NLRC3: variants seen among roughly 807,000 people sequenced by gnomAD.
NLRC3 encodes the protein NLR family CARD domain-containing protein 3.
Under a neutral mutation model 91.6 loss-of-function variants are expected in NLRC3, and 87 were observed. The ratio of observed to expected loss-of-function variants is 0.95; its 90% confidence interval spans 0.80 to 1.14. The LOEUF (loss-of-function observed/expected upper bound fraction) is 1.14. Ranked by LOEUF, NLRC3 falls within the 50% of genes most tolerant of loss-of-function variation. NLRC3 has a pLI of 0.00. For synonymous variants in NLRC3, 694 were observed against 625.3 expected, an observed-to-expected ratio of 1.11 and a Z score of -1.64; for missense variants, 1,577 against 1,418.6, an observed-to-expected ratio of 1.11 and a Z score of -1.79.
In NLRC3 at chr16:3,565,017, C is replaced by A. The variant is rs377599527; in HGVS notation, c.20G>T (p.Arg7Leu). Residue 7 changes from arginine (R) to leucine (L), a missense_variant, in exon 4 of 20, where the codon CGG (arginine) becomes CTG (leucine). By Grantham distance (102) the Arg-to-Leu change is moderately radical. Coordinates refer to ENST00000359128, the MANE Select transcript of NLRC3 (RefSeq NM_178844.4). MRKQEV[R>L]TGREAGQGHG... ...GCCCTGGCCGGCCTCCCTGCCCGTC[C>A]GCACCTCTTGCTTCCTCATGGAGTC... is the stretch of plus-strand genomic sequence containing the variant. 40 of 1,609,854 alleles carry A rather than the reference C, an allele frequency of 2.5e-5. No individual in the cohort carries two copies. Among genetic ancestry groups the A allele is most frequent in the African/African-American group, 5.3e-5 (4 of 74,946 alleles).
chr16:3,552,664 A>G (rs2039077153), intron 9 of NLRC3, among the ~76,000 whole-genome samples: 1 of 152,038 alleles, frequency 6.6e-6, no homozygotes, highest in Non-Finnish European at 1.5e-5. Flanking sequence ...CCTAGGGGCC[A>G]GGTACGGTGG....
At chr16:3,575,355 G>A (rs572613643) in intron 1 of NLRC3, among the ~76,000 whole-genome samples, 4 of 152,334 alleles carry the variant, frequency 2.6e-5, no homozygotes, top group Admixed American at 6.5e-5. Context: ...CCTCTCAGCC[G>A]AGTGAGGTCG....
Position 3,548,689 on chromosome 16 carries a change from G to T in NLRC3, c.2668C>A (p.Arg890Ser). 6.3e-7 allele frequency: 1 copy of T among 1,594,356 alleles called. No homozygotes were observed. The highest frequency in any genetic ancestry group is 8.5e-7 in the Non-Finnish European group (1 of 1,170,482). ...RAIAVAVRENRTLTSLHLQWN... is the reference protein window; with the variant it reads ...RAIAVAVRENSTLTSLHLQWN... ...ACTCACTGAAGGGAGGTGAGGGTGC[G>T]GTTTTCTCTCACTGCCACTGCGATG... Residue 890 changes from arginine (R) to serine (S), a missense_variant, in exon 14 of 20, where the codon CGC (arginine) becomes AGC (serine). Physicochemically the swap from Arg to Ser is moderately radical, Grantham distance 110 (BLOSUM62 -1). Coordinates refer to ENST00000359128, the MANE Select transcript of NLRC3 (RefSeq NM_178844.4).
At chr16:3,567,862 TTTTC>T (rs1394534325) in intron 1 of NLRC3, among the ~76,000 whole-genome samples, 9 of 150,820 alleles carry the variant, frequency 6.0e-5, no homozygotes, top group African/African-American at 1.5e-4. Flanking sequence ...GAGCCTAGCT[TTTTC>T]TTTCTTTCTT....
At chr16:3,543,380 G>C in intron 17 of NLRC3, 45 bp downstream of exon 17, 2 of 1,328,236 alleles carry the variant, frequency 1.5e-6, no homozygotes, top group Non-Finnish European at 2.1e-6. Flanking sequence ...AGAATTCATT[G>C]ATTTCTTTGG....
At chr16:3,550,564 C>T in intron 10 of NLRC3, 67 bp from the exon 11 acceptor site, 2 of 1,210,492 alleles carry the variant, frequency 1.7e-6, no homozygotes, top group Non-Finnish European at 2.5e-6. Context: ...GCAGAGGGAT[C>T]AGAGTCAGGG....
chr16:3,556,461 C>A (rs2039338717), intron 8 of NLRC3, among the ~76,000 whole-genome samples: 2 of 151,786 alleles, frequency 1.3e-5, no homozygotes, highest in South Asian at 4.2e-4. Context: ...GGCATAAGAT[C>A]CCCAGTACCC....
intron 5 of NLRC3, 31 bp from the exon 6 acceptor site, chr16:3,561,819 C>G (rs1344298794): frequency 1.0e-5 from 16 of 1,543,602 alleles, no homozygotes; most frequent in African/African-American, 1.4e-5. Context: ...CAGTGAGTGT[C>G]CCACCCGCCC....
At chr16:3,557,079 C>T (rs945225772) in intron 7 of NLRC3, 85 bp from the exon 8 acceptor site, 13 of 918,706 alleles carry the variant, frequency 1.4e-5, no homozygotes, top group South Asian at 5.6e-5. Flanking sequence ...CCTTGAAATT[C>T]GTGATCCTCT....
At chr16:3,560,950 C>T (rs1253762951) in intron 6 of NLRC3, among the ~76,000 whole-genome samples, 3 of 151,992 alleles carry the variant, frequency 2.0e-5, no homozygotes, top group African/African-American at 7.2e-5. Flanking sequence ...TGAGCCACCA[C>T]ACCCGGCCAC....
In NLRC3 at chr16:3,564,965, C is replaced by T. The variant is rs757979567; in HGVS notation, c.72G>A (p.Gln24=). ...CCAGCAGATCCATGAGGGCTTTCAC[C>T]TGCTCGGCTGGGGAGCCCGTACCGT... ...QGHGTGSPAE[Q]VKALMDLLAG... The change falls in exon 4 of 20, where the codon CAG becomes CAA. Residue 24 remains glutamine, a synonymous_variant. Transcript: ENST00000359128. This position sits in a 1 kb window ranked among gnomAD's most constrained non-coding sequence, Gnocchi z 5.9. 1.7e-5 allele frequency: 27 copies of T among 1,610,602 alleles called. No homozygotes were observed. The highest frequency in any genetic ancestry group is 2.2e-5 in the Non-Finnish European group (26 of 1,179,738).
chr16:3,555,923 AAAATAAATAAATAAAT>A (rs61481021), intron 8 of NLRC3: 1,632 of 137,550 alleles, frequency 0.012, 10 homozygotes, highest in Non-Finnish European at 0.016. Flanking sequence ...CACCCTAATA[AAAATAAATAAATAAAT>A]AAATAAATAA....
At chr16:3,552,670 G>A (rs1236289880) in intron 9 of NLRC3, among the ~76,000 whole-genome samples, 2 of 152,036 alleles carry the variant, frequency 1.3e-5, no homozygotes, top group African/African-American at 4.8e-5. Flanking sequence ...GGCCAGGTAC[G>A]GTGGCTCATG....
At position 3,549,251 on chromosome 16, in the gene NLRC3, T is replaced by C. The variant is rs888660605; in HGVS notation, c.2520-26A>G. 3.9e-6 allele frequency: 6 copies of C among 1,528,378 alleles called. No homozygotes were observed. In the Middle Eastern group the frequency reaches 6.7e-4, roughly 171 times the overall value. 94.7% of individuals were successfully genotyped at this position (1,528,378 alleles called of 1,614,324 possible). A position where few individuals can be genotyped will look rare whatever the true frequency, so the allele number is the denominator to read the frequency against. ...CTGAAAAAAAAGGAAAGACCTGAGC[T>C]TCTGACCGGGCAGATGAGGTGTCTG... On this transcript the variant is annotated intron_variant, in intron 12 of 19. Transcript: ENST00000359128.
rs1221062597 is a variant in NLRC3 at position 3,541,666 on chromosome 16, C to T, written c.*159G>A. On this transcript the variant is annotated 3_prime_UTR_variant, in exon 20 of 20. Coordinates refer to ENST00000359128, the MANE Select transcript of NLRC3 (RefSeq NM_178844.4). ...CCTGCAGCAGAAGAGGAGCTCACGA[C>T]CTCCTCCGGCAGCACCTCTCCTTCC... 15 of 614,672 alleles carry T rather than the reference C, an allele frequency of 2.4e-5. No individual in the cohort carries two copies. Among genetic ancestry groups the T allele is most frequent in the South Asian group, 5.8e-5 (3 of 51,818 alleles). 38.1% of individuals were successfully genotyped at this position (614,672 alleles called of 1,614,324 possible).
In NLRC3 at chr16:3,564,474, C is replaced by A. The variant is rs766800309; in HGVS notation, c.463G>T (p.Val155Leu). 1 of 1,612,552 alleles carries A rather than the reference C, an allele frequency of 6.2e-7. No individual in the cohort carries two copies. The highest frequency in any genetic ancestry group is 1.1e-5 in the South Asian group (1 of 91,088). ...GCCCAGAGGCGGACGAAGTGCCTCA[C>A]CAGGGTGGTCTTGCCCATGCCGGCC... ...GVAGMGKTTLVRHFVRLWAHG... is the reference protein window; with the variant it reads ...GVAGMGKTTLLRHFVRLWAHG... Residue 155 changes from valine (V) to leucine (L), a missense_variant, in exon 5 of 20, where the codon GTG becomes TTG. Physicochemically the swap from Val to Leu is conservative, Grantham distance 32 (BLOSUM62 1). Transcript: ENST00000359128. This position sits in a 1 kb window ranked among gnomAD's most constrained non-coding sequence, Gnocchi z 5.9.
At chr16:3,550,324 C>A (rs2038926052) in intron 11 of NLRC3, 90 bp downstream of exon 11, 1 of 815,864 alleles carries the variant, frequency 1.2e-6, no homozygotes, top group Non-Finnish European at 2.1e-6. Context: ...GGAAATGGCC[C>A]TGGGGGACAG....
chr16:3,543,555 C>T (rs775870626), intron 16 of NLRC3, 47 bp from the exon 17 acceptor site: 1 of 1,286,906 alleles, frequency 7.8e-7, no homozygotes, highest in Middle Eastern at 1.9e-4. Flanking sequence ...GGGCCCACCT[C>T]CCTCCGCATA....
At chr16:3,573,011 C>CAAAAAAA in intron 1 of NLRC3, among the ~76,000 whole-genome samples, 1 of 75,246 alleles carries the variant, frequency 1.3e-5, no homozygotes, top group Non-Finnish European at 2.6e-5. Flanking sequence ...GACTCTATCT[C>CAAAAAAA]AAAAAAAAAA....
Sources: allele counts gnomAD v4.1 joint callset (sites outside exome capture counted in the v4.1 genomes callset), GRCh38; gene constraint gnomAD v4.1.1; non-coding constraint Gnocchi (gnomAD v3.1); transcripts MANE v1.5; gene names NCBI Gene and HGNC (gene_info 2026-07-23, HGNC 2026-07-21).